BFSP2: variants seen among roughly 807,000 people sequenced by gnomAD.
BFSP2 encodes the protein beaded filament structural protein 2.
In BFSP2, 38 loss-of-function variants were observed where a neutral mutation model predicts 44.9. That is an observed-to-expected ratio of 0.85 (90% CI 0.65 to 1.11). The LOEUF is 1.11. Ranked by LOEUF, BFSP2 falls within the 50% of genes least tolerant of loss-of-function variation. BFSP2 has a pLI of 0.00. For missense variants in BFSP2, 525 were observed against 533.0 expected, an observed-to-expected ratio of 0.99 and a Z score of 0.15; for synonymous variants, 197 against 209.9, an observed-to-expected ratio of 0.94 and a Z score of 0.53.
chr3:133,441,006 G>T (rs1435549020), intron 1 of BFSP2, among the ~76,000 whole-genome samples: 1 of 150,796 alleles, frequency 6.6e-6, no homozygotes, highest in Non-Finnish European at 1.5e-5. Context: ...ATTACTTGAA[G>T]ACATTTCCCC....
chr3:133,435,322 G>A (rs1264063747), intron 1 of BFSP2, among the ~76,000 whole-genome samples: 2 of 152,174 alleles, frequency 1.3e-5, no homozygotes, highest in Admixed American at 6.6e-5. Flanking sequence ...CCTCCAGAAA[G>A]TCAACAAGCA....
At chr3:133,416,661 CCTCTA>C (rs1559960553) in intron 1 of BFSP2, among the ~76,000 whole-genome samples, 1 of 145,892 alleles carries the variant, frequency 6.9e-6, no homozygotes, top group Non-Finnish European at 1.5e-5. Flanking sequence ...TGTCCTCTCC[CCTCTA>C]CTCACCCTTG....
chr3:133,470,354 T>C (rs980624431), intron 5 of BFSP2, among the ~76,000 whole-genome samples: 8 of 152,166 alleles, frequency 5.3e-5, no homozygotes, highest in African/African-American at 1.7e-4. Context: ...TCCATAGTGG[T>C]CATAAGGGTG....
intron 1 of BFSP2, among the ~76,000 whole-genome samples, chr3:133,434,642 G>C (rs2073762795): frequency 6.6e-6 from 1 of 152,068 alleles, no homozygotes; most frequent in Non-Finnish European, 1.5e-5. Context: ...AATATGCCCT[G>C]CCCCACCTTA....
At chr3:133,427,183 T>C (rs1016522622) in intron 1 of BFSP2, among the ~76,000 whole-genome samples, 18 of 152,236 alleles carry the variant, frequency 1.2e-4, no homozygotes, top group African/African-American at 4.1e-4. Flanking sequence ...GTCTCCAAGA[T>C]GGTGCCCTTC....
rs941060432 is a variant in BFSP2, at chr3:133,426,985, T to C, written c.490-20332T>C. On this transcript the variant is annotated intron_variant, in intron 1 of 6. Coordinates refer to ENST00000302334, the MANE Select transcript of BFSP2 (RefSeq NM_003571.4). ...TCCAGACAGGCTGGCTCATTTCCCCTGTGCCTCTCATGATGAGAGGATTAT... is the reference window on the plus strand; with the variant it reads ...TCCAGACAGGCTGGCTCATTTCCCCCGTGCCTCTCATGATGAGAGGATTAT... Among the ~76,000 whole-genome samples, 85 of 152,364 alleles carry C rather than the reference T, an allele frequency of 5.6e-4. 1 individual carries two copies. The highest frequency in any genetic ancestry group is 2.0e-3 in the African/African-American group (84 of 41,586).
In BFSP2 at chr3:133,432,833, C is replaced by T. The variant is rs151259816; in HGVS notation, c.490-14484C>T. ...CTTTCCTTCCTAGGCATGGTTAGCGCGGTCAGAATTCTTACACAAGAGCCA... is the reference window on the plus strand; with the variant it reads ...CTTTCCTTCCTAGGCATGGTTAGCGTGGTCAGAATTCTTACACAAGAGCCA... On this transcript the variant is annotated intron_variant, in intron 1 of 6. Coordinates refer to ENST00000302334, the MANE Select transcript of BFSP2 (RefSeq NM_003571.4). Among the ~76,000 whole-genome samples the T allele has an allele frequency of 9.3e-3, 1,413 of 152,250 alleles. 21 individuals carry two copies. The highest frequency in any genetic ancestry group is 0.033 in the African/African-American group (1,355 of 41,514).
intron 1 of BFSP2, among the ~76,000 whole-genome samples, chr3:133,431,864 T>C (rs1026365936): frequency 6.6e-6 from 1 of 152,146 alleles, no homozygotes; most frequent in Non-Finnish European, 1.5e-5. Flanking sequence ...TATCCCCACC[T>C]GCCCCGTTCC....
intron 4 of BFSP2, among the ~76,000 whole-genome samples, chr3:133,459,493 C>T (rs2074042747): frequency 6.6e-6 from 1 of 152,220 alleles, no homozygotes; most frequent in African/African-American, 2.4e-5. Flanking sequence ...TTTTGTTTGG[C>T]AGCTCCAACG....
chr3:133,434,748 G>A (rs1396898629), intron 1 of BFSP2, among the ~76,000 whole-genome samples: 1 of 151,936 alleles, frequency 6.6e-6, no homozygotes, highest in Non-Finnish European at 1.5e-5. Flanking sequence ...GGCTCATCCT[G>A]GCTCAAAAAG....
chr3:133,420,065 C>T (rs1444961283), intron 1 of BFSP2, among the ~76,000 whole-genome samples: 1 of 152,206 alleles, frequency 6.6e-6, no homozygotes, highest in East Asian at 1.9e-4. Flanking sequence ...CCAGTCTCCA[C>T]GGAGTGAGGC....
At chr3:133,440,425 A>G (rs1381890385) in intron 1 of BFSP2, among the ~76,000 whole-genome samples, 1 of 152,192 alleles carries the variant, frequency 6.6e-6, no homozygotes, top group Non-Finnish European at 1.5e-5. Flanking sequence ...TTGTTGGGGC[A>G]TCTGGAGAAA....
intron 1 of BFSP2, among the ~76,000 whole-genome samples, chr3:133,437,569 G>A (rs541103652): frequency 2.6e-4 from 36 of 135,914 alleles, no homozygotes; most frequent in Non-Finnish European, 1.6e-4. Flanking sequence ...GAAAACAAAC[G>A]AAAGGAAGGA....
intron 1 of BFSP2, among the ~76,000 whole-genome samples, chr3:133,434,460 C>T (rs1215336576): frequency 6.6e-6 from 1 of 152,010 alleles, no homozygotes; most frequent in African/African-American, 2.4e-5. Flanking sequence ...CTCCATACCA[C>T]CCCCCAAAAA....
intron 1 of BFSP2, among the ~76,000 whole-genome samples, chr3:133,431,692 T>G (rs1346987419): frequency 6.6e-6 from 1 of 152,074 alleles, no homozygotes; most frequent in South Asian, 2.1e-4. Context: ...CCCCTTCTTA[T>G]CAATACGAGG....
intron 1 of BFSP2, chr3:133,410,198 G>T: frequency 9.6e-6 from 2 of 207,458 alleles, no homozygotes; most frequent in Non-Finnish European, 9.6e-6. Flanking sequence ...CAAGCCTACG[G>T]TACCACCTAT....
chr3:133,436,851 T>C (rs542428560), intron 1 of BFSP2, among the ~76,000 whole-genome samples: 2 of 152,084 alleles, frequency 1.3e-5, no homozygotes, highest in Admixed American at 1.3e-4. Context: ...TGAGAACATG[T>C]GGTGTTTGGT....
At chr3:133,465,012 T>C (rs1237464484) in intron 4 of BFSP2, among the ~76,000 whole-genome samples, 3 of 150,142 alleles carry the variant, frequency 2.0e-5, no homozygotes, top group Admixed American at 6.6e-5. Flanking sequence ...TTTTTTTTTT[T>C]TTTTTTTCTT....
At chr3:133,441,038 TC>T (rs1319208165) in intron 1 of BFSP2, among the ~76,000 whole-genome samples, 20 of 142,862 alleles carry the variant, frequency 1.4e-4, no homozygotes, top group Non-Finnish European at 2.4e-4. Flanking sequence ...TCAGATGCAA[TC>T]TTTTTTTTTT....
Sources: allele counts gnomAD v4.1 joint callset (sites outside exome capture counted in the v4.1 genomes callset), GRCh38; gene constraint gnomAD v4.1.1; transcripts MANE v1.5; gene names NCBI Gene and HGNC (gene_info 2026-07-23, HGNC 2026-07-21).